MAF: variants seen among roughly 807,000 people sequenced by gnomAD.
MAF encodes the protein transcription factor Maf.
A neutral mutation model predicts 22.0 loss-of-function variants in MAF; 10 were observed. The ratio of observed to expected loss-of-function variants is 0.45; its 90% CI spans 0.28 to 0.77. The LOEUF (loss-of-function observed/expected upper bound fraction) is 0.77. Ranked by LOEUF, MAF falls within the 30% of genes least tolerant of loss-of-function variation. The pLI, the probability that MAF is intolerant of heterozygous loss-of-function variation, is 0.12. For missense variants in MAF, 544 were observed against 548.4 expected, an observed-to-expected ratio of 0.99 and a Z score of 0.08; for synonymous variants, 337 against 255.8, an observed-to-expected ratio of 1.32 and a Z score of -3.03.
chr16:79,597,818 A>AT (rs1913645819), intron 1 of MAF: 1 of 1,018,644 alleles, frequency 9.8e-7, no homozygotes, highest in Non-Finnish European at 1.2e-6. Flanking sequence ...TTTTATTAAT[A>AT]TAATGTCTCT....
At chr16:79,313,818 G>A in the MAF span, among the ~76,000 whole-genome samples, 1 of 152,130 alleles carries the variant, frequency 6.6e-6, no homozygotes, top group East Asian at 1.9e-4. Context: ...GCCCAGGCTT[G>A]GAGTCAGGGG....
At chr16:79,368,468 T>C in the MAF span, among the ~76,000 whole-genome samples, 10 of 152,284 alleles carry the variant, frequency 6.6e-5, no homozygotes, top group Middle Eastern at 3.4e-3. Context: ...TGGTTTTTAG[T>C]ATATGACTAT....
At chr16:79,275,001 A>G in the MAF span, among the ~76,000 whole-genome samples, 3 of 152,212 alleles carry the variant, frequency 2.0e-5, no homozygotes, top group Admixed American at 6.5e-5. Flanking sequence ...TGAGATATGC[A>G]TATGTTGAGT....
chr16:79,445,633 T>C, the MAF span, among the ~76,000 whole-genome samples: 2 of 152,216 alleles, frequency 1.3e-5, no homozygotes, highest in African/African-American at 4.8e-5. Context: ...CAAAGCTGAA[T>C]ATCTTCCATG....
At chr16:79,347,465 G>C in the MAF span, among the ~76,000 whole-genome samples, 131 of 152,330 alleles carry the variant, frequency 8.6e-4, 3 homozygotes, top group Non-Finnish European at 1.6e-3. Context: ...CTGTTCCCTG[G>C]ATCTGTTTTA....
chr16:79,413,635 C>T, the MAF span, among the ~76,000 whole-genome samples: 1 of 152,034 alleles, frequency 6.6e-6, no homozygotes, highest in Non-Finnish European at 1.5e-5. Context: ...TTATTATAAG[C>T]ATTAGATAAA....
At chr16:79,282,886 C>A in the MAF span, among the ~76,000 whole-genome samples, 1 of 152,272 alleles carries the variant, frequency 6.6e-6, no homozygotes, top group South Asian at 2.1e-4. Context: ...ATTCATTAAT[C>A]CAAAGGGTCC....
chr16:79,381,076 A>G, the MAF span, among the ~76,000 whole-genome samples: 2 of 152,264 alleles, frequency 1.3e-5, no homozygotes, highest in African/African-American at 4.8e-5. Context: ...CTCCCTGAAC[A>G]GAATGAAGGG....
At chr16:79,304,688 A>C in the MAF span, among the ~76,000 whole-genome samples, 1 of 152,146 alleles carries the variant, frequency 6.6e-6, no homozygotes, top group East Asian at 1.9e-4. Flanking sequence ...GACCCTAAAA[A>C]ACACACTCGC....
At chr16:79,581,899 T>C (rs1054809736), downstream of MAF, among the ~76,000 whole-genome samples, 2 of 152,232 alleles carry the variant, frequency 1.3e-5, no homozygotes, top group African/African-American at 4.8e-5. Context: ...TGTAAATCTC[T>C]CAGCTGGTTG....
At chr16:79,483,922 C>T in the MAF span, among the ~76,000 whole-genome samples, 2 of 152,166 alleles carry the variant, frequency 1.3e-5, no homozygotes, top group Non-Finnish European at 2.9e-5. Flanking sequence ...AGAGGCAAGG[C>T]AGGAATGTGT....
At chr16:79,309,067 C>T in the MAF span, among the ~76,000 whole-genome samples, 210 of 152,174 alleles carry the variant, frequency 1.4e-3, no homozygotes, top group Non-Finnish European at 1.4e-3. Context: ...TGGCCCTGGG[C>T]GCAGAGAGAG....
chr16:79,393,454 T>G, the MAF span, among the ~76,000 whole-genome samples: 1 of 152,374 alleles, frequency 6.6e-6, no homozygotes, highest in Non-Finnish European at 1.5e-5. Flanking sequence ...TAGGACCTTC[T>G]TTCTGAGTCT....
chr16:79,460,535 G>A, the MAF span, among the ~76,000 whole-genome samples: 1 of 152,096 alleles, frequency 6.6e-6, no homozygotes, highest in African/African-American at 2.4e-5. Flanking sequence ...ATTTAATAGA[G>A]TAAGCCAGTA....
At chr16:79,289,624 G>A in the MAF span, among the ~76,000 whole-genome samples, 1 of 152,100 alleles carries the variant, frequency 6.6e-6, no homozygotes, top group South Asian at 2.1e-4. Flanking sequence ...TTCCACTGTG[G>A]CCATATGGTT....
the MAF span, among the ~76,000 whole-genome samples, chr16:79,485,371 G>A: frequency 1.3e-5 from 2 of 152,156 alleles, no homozygotes; most frequent in African/African-American, 4.8e-5. Context: ...TTCCTTCTCT[G>A]TCACCCATTT....
the MAF span, among the ~76,000 whole-genome samples, chr16:79,568,498 AC>A: frequency 6.6e-6 from 1 of 152,118 alleles, no homozygotes; most frequent in African/African-American, 2.4e-5. Flanking sequence ...TCAACATTTC[AC>A]TTCACCAAAT....
the MAF span, among the ~76,000 whole-genome samples, chr16:79,501,106 C>T: frequency 6.6e-6 from 1 of 152,162 alleles, no homozygotes; most frequent in African/African-American, 2.4e-5. Context: ...AGTCCTAAAT[C>T]AAGGTGTCAC....
At chr16:79,525,073 G>A in the MAF span, among the ~76,000 whole-genome samples, 10 of 152,112 alleles carry the variant, frequency 6.6e-5, no homozygotes, top group Non-Finnish European at 1.2e-4. Context: ...GCCATTAGTG[G>A]CCACAGCACG....
Sources: gnomAD v4.1 joint callset for allele counts (sites outside exome capture counted in the v4.1 genomes callset) on GRCh38, gnomAD v4.1.1 for gene constraint, MANE v1.5 for transcripts, NCBI Gene and HGNC (gene_info 2026-07-23, HGNC 2026-07-21) for gene names.